The following BNC1 variants were observed in gnomAD, a reference collection of about 807,000 sequenced individuals.
The protein encoded by BNC1 is basonuclin zinc finger protein 1, also known as zinc finger protein basonuclin-1.
In BNC1, 8 loss-of-function variants were observed where a neutral mutation model predicts 66.5. The observed-to-expected ratio is 0.12, with a 90% CI of 0.07 to 0.22. The LOEUF (loss-of-function observed/expected upper bound fraction) is 0.22, where lower values mean the gene tolerates loss of function less well. Among genes scored for constraint, BNC1 ranks in the 10% least tolerant of loss-of-function variants. The pLI is 1.00. For synonymous variants in BNC1, 454 were observed against 452.6 expected (o/e 1.00, Z -0.04); for missense variants, 1,069 against 1,241.3 (o/e 0.86, Z 2.09).
chr15:83,275,757 G>A (rs549040004), intron 1 of BNC1, among the ~76,000 whole-genome samples: 1 of 152,230 alleles, frequency 6.6e-6, no homozygotes, highest in South Asian at 2.1e-4. Flanking sequence ...AGAGTTAAGG[G>A]GCCAATGTAG....
chr15:83,270,178 A>T (rs1270924143), intron 1 of BNC1, among the ~76,000 whole-genome samples: 1 of 152,204 alleles, frequency 6.6e-6, no homozygotes, highest in Non-Finnish European at 1.5e-5. Context: ...ATCGAGATAC[A>T]ATTCACACAT....
intron 3 of BNC1, 80 bp downstream of exon 3, chr15:83,266,756 G>A: frequency 8.2e-7 from 1 of 1,217,828 alleles, no homozygotes; most frequent in Non-Finnish European, 1.2e-6. Flanking sequence ...GTAGCATTGG[G>A]AGGTAACTGG....
chr15:83,267,052 G>A lies in BNC1; in HGVS notation c.219C>T (p.Ile73=), dbSNP rs748476096. ...CCTGGCTTGTTGGATACATGGGGGG[G>A]ATCCTTAGCTTACTTAGAGCTGAAA... The part of the protein sequence containing the change: ...WVAHALSKLR[I]PPMYPTSQVE... The change falls in exon 3 of 5, where the codon ATC becomes ATT. Residue 73 remains isoleucine (I), a synonymous_variant. Transcript: ENST00000345382. 6.8e-6 allele frequency: 11 copies of A among 1,613,478 alleles called. No individual in the cohort carries two copies.
chr15:83,277,978 CTTTTT>C (rs928527354), intron 1 of BNC1, among the ~76,000 whole-genome samples: 14 of 151,448 alleles, frequency 9.2e-5, no homozygotes, highest in African/African-American at 3.2e-4. Context: ...TTCACTTTTT[CTTTTT>C]AAGTTTCCCA....
At chr15:83,279,464 G>A (rs1255923098) in intron 1 of BNC1, among the ~76,000 whole-genome samples, 3 of 152,154 alleles carry the variant, frequency 2.0e-5, no homozygotes, top group Middle Eastern at 3.2e-3. Flanking sequence ...AGGCCAGAGA[G>A]GGCTTCCTCC....
rs753399637 is a variant in BNC1, at chr15:83,264,008, T to C, written c.1243A>G (p.Met415Val). 6.2e-7 allele frequency: 1 copy of C among 1,614,216 alleles called. No individual in the cohort carries two copies. Among genetic ancestry groups the C allele is most frequent in the East Asian group, 2.2e-5 (1 of 44,878 alleles). ...HSANPNPRLH[M>V]PMNRNNRDKD... is the part of the protein sequence containing the mutation. ...TCCCGGTTATTTCTGTTCATTGGCA[T>C]GTGCAGCCGAGGGTTGGGGTTGGCG... Residue 415 changes from methionine (M) to valine (V), a missense_variant, in exon 4 of 5, where the codon ATG (methionine) becomes GTG (valine). Physicochemically the swap from Met to Val is conservative, Grantham distance 21. Transcript: ENST00000345382.
chr15:83,261,489 G>A (rs1445818153), intron 4 of BNC1, among the ~76,000 whole-genome samples: 1 of 152,196 alleles, frequency 6.6e-6, no homozygotes. Flanking sequence ...TTAATATTCA[G>A]TGTACCATTT....
At position 83,268,224 on chromosome 15, in the gene BNC1, G is replaced by C; in HGVS notation, c.108C>G (p.Ser36Arg). ...TTTGGCAACTACAGTTCAGAGTACA[G>C]CTGATAGCCTGAAAAAGAGGAGAAA... Reference protein sequence around the residue: ...RSGRRMAEAISCTLNCSCQSF... With the variant: ...RSGRRMAEAIRCTLNCSCQSF... The change falls in exon 2 of 5, where the codon AGC becomes AGG. Residue 36 changes from serine to arginine, a missense_variant. Ser to Arg is a moderately radical substitution (Grantham distance 110). This residue lies in a region of BNC1 where 78 missense variants were observed against 80.9 expected (regional missense o/e 0.96). Coordinates refer to ENST00000345382, the MANE Select transcript of BNC1 (RefSeq NM_001717.4). 6 of 1,613,722 alleles carry C rather than the reference G, an allele frequency of 3.7e-6. No homozygotes were observed. The highest frequency in any genetic ancestry group is 5.1e-6 in the Non-Finnish European group (6 of 1,179,636).
chr15:83,262,819 G>T, intron 4 of BNC1, 132 bp downstream of exon 4: 1 of 959,572 alleles, frequency 1.0e-6, no homozygotes, highest in South Asian at 1.8e-5. Flanking sequence ...CCTCACCCTA[G>T]ATCTAATGAA....
chr15:83,270,855 G>A (rs2038262940), intron 1 of BNC1, among the ~76,000 whole-genome samples: 1 of 152,124 alleles, frequency 6.6e-6, no homozygotes, highest in African/African-American at 2.4e-5. Flanking sequence ...TTTTTGAGGT[G>A]ATGAAAATGT....
In BNC1 at chr15:83,257,167, T is replaced by C. The variant is rs1479708660; in HGVS notation, c.*275A>G. 2.0e-6 allele frequency: 1 copy of C among 494,446 alleles called. No individual in the cohort carries two copies. The highest frequency in any genetic ancestry group is 3.6e-6 in the Non-Finnish European group (1 of 277,704). The allele number at this position is 494,446 out of a possible 1,614,324, so 30.6% of individuals were successfully genotyped here. A position where few individuals can be genotyped will look rare whatever the true frequency, so the allele number is the denominator to read the frequency against. Reference sequence around the variant, plus strand: ...AGACCTGGATCTGTCCCAGGGAACATGTAAACAAATCTGGGAAAAATCACA... The same window carrying C: ...AGACCTGGATCTGTCCCAGGGAACACGTAAACAAATCTGGGAAAAATCACA... On this transcript the variant is annotated 3_prime_UTR_variant, in exon 5 of 5. Coordinates refer to ENST00000345382, the MANE Select transcript of BNC1 (RefSeq NM_001717.4).
At position 83,284,646 on chromosome 15, in the gene BNC1, G is replaced by T; in HGVS notation, c.-18C>A. The T allele has an allele frequency of 1.0e-6, 1 of 985,508 alleles. No homozygotes were observed. Among genetic ancestry groups the T allele is most frequent in the South Asian group, 4.6e-5 (1 of 21,866 alleles). The allele number at this position is 985,508 out of a possible 1,614,324, so 61.0% of individuals were successfully genotyped here. ...CGCCGCATCCACGCTCCGGCCGTCG[G>T]GGCGCGACCCGGCGAAGTGGGCGGC... On this transcript the variant is annotated 5_prime_UTR_variant, in exon 1 of 5. Transcript: ENST00000345382.
chr15:83,284,386 C>T, intron 1 of BNC1, 144 bp downstream of exon 1: 1 of 445,076 alleles, frequency 2.2e-6, no homozygotes. Flanking sequence ...CGCCGCGCCT[C>T]GGGGCCGCGC....
intron 2 of BNC1, 138 bp downstream of exon 2, chr15:83,267,995 C>T: frequency 1.5e-6 from 1 of 687,738 alleles, no homozygotes; most frequent in Non-Finnish European, 2.5e-6. Flanking sequence ...GAATCTTAGC[C>T]TGTTACCTGG....
At chr15:83,270,049 T>C (rs1368009375) in intron 1 of BNC1, among the ~76,000 whole-genome samples, 2 of 152,184 alleles carry the variant, frequency 1.3e-5, no homozygotes, top group African/African-American at 4.8e-5. Flanking sequence ...GAAACCAGAT[T>C]AGTAGTTACC....
At chr15:83,266,425 T>C (rs1463590429) in intron 3 of BNC1, among the ~76,000 whole-genome samples, 1 of 152,152 alleles carries the variant, frequency 6.6e-6, no homozygotes, top group Non-Finnish European at 1.5e-5. Flanking sequence ...AGGTGTGCTA[T>C]GAAATTATAA....
intron 3 of BNC1, among the ~76,000 whole-genome samples, chr15:83,265,503 A>C (rs2038208054): frequency 1.3e-5 from 2 of 152,340 alleles, no homozygotes; most frequent in East Asian, 1.9e-4. Flanking sequence ...GTAACATCAT[A>C]AATTTTTCAT....
At position 83,257,298 on chromosome 15, in the gene BNC1, T is replaced by A; in HGVS notation, c.*144A>T. The A allele has an allele frequency of 6.2e-6, 6 of 963,462 alleles. No individual in the cohort carries two copies. Among genetic ancestry groups the A allele is most frequent in the Non-Finnish European group, 9.2e-6 (6 of 651,194 alleles). 59.7% of individuals were successfully genotyped at this position (963,462 alleles called of 1,614,324 possible). A position where few individuals can be genotyped will look rare whatever the true frequency, so the allele number is the denominator to read the frequency against. ...TCCCACGAGGTTTGTCTTTTGCTCA[T>A]TGTGCTGTGGAAAACTATAAAGTCA... On this transcript the variant is annotated 3_prime_UTR_variant, in exon 5 of 5. Transcript: ENST00000345382.
chr15:83,258,001 G>C lies in BNC1; in HGVS notation c.2426C>G (p.Ala809Gly), dbSNP rs773991977. 18 of 1,614,106 alleles carry C rather than the reference G, an allele frequency of 1.1e-5. No homozygotes were observed. The highest frequency in any genetic ancestry group is 1.4e-5 in the Non-Finnish European group (17 of 1,179,992). ...DVAKEAYQDV[A>G]FTQQASQTSV... Reference sequence around the variant, plus strand: ...TGTCTGGGAGGCTTGCTGTGTAAAAGCCACATCCTGATAGGCTTCCTTAGC... The same window carrying C: ...TGTCTGGGAGGCTTGCTGTGTAAAACCCACATCCTGATAGGCTTCCTTAGC... The change falls in exon 5 of 5, where the codon GCT (alanine) becomes GGT (glycine). Residue 809 changes from alanine (A) to glycine (G), a missense_variant. Transcript: ENST00000345382.
Sources: gnomAD v4.1 joint callset for allele counts (sites outside exome capture counted in the v4.1 genomes callset) on GRCh38, gnomAD v4.1.1 for gene constraint, gnomAD v4.1.1 regional missense constraint, MANE v1.5 for transcripts, NCBI Gene and HGNC (gene_info 2026-07-23, HGNC 2026-07-21) for gene names.